Variants in HDGFL2 observed in about 807,000 individuals in gnomAD.
HDGFL2 encodes the protein HDGF like 2.
A neutral mutation model predicts 77.1 loss-of-function variants in HDGFL2; 36 were observed. The ratio of observed to expected loss-of-function variants is 0.47; its 90% CI spans 0.36 to 0.62. HDGFL2 has a LOEUF of 0.62. HDGFL2 is among the 20% of genes least tolerant of loss of function. The probability of loss-of-function intolerance (pLI) is 0.00; values close to 1 mark genes in which losing one functional copy is unlikely to be tolerated. For synonymous variants in HDGFL2, 463 were observed against 413.1 expected, an observed-to-expected ratio of 1.12 and a Z score of -1.46; for missense variants, 976 against 973.4, an observed-to-expected ratio of 1.00 and a Z score of -0.04.
intron 12 of HDGFL2, 54 bp from the exon 13 acceptor site, chr19:4,498,760 C>T: frequency 8.1e-7 from 1 of 1,241,604 alleles, no homozygotes; most frequent in Non-Finnish European, 1.2e-6. Context: ...GGCCCTGGGA[C>T]CCCTGGGGAT....
chr19:4,498,210 G>T, intron 11 of HDGFL2, 96 bp from the exon 12 acceptor site: 1 of 1,302,860 alleles, frequency 7.7e-7, no homozygotes, highest in Non-Finnish European at 1.1e-6. Flanking sequence ...GGGCCCCCAT[G>T]ACAAATCCTC....
In HDGFL2 at chr19:4,494,261, A is replaced by G; in HGVS notation, c.1010A>G (p.Glu337Gly). The G allele has an allele frequency of 1.4e-6, 2 of 1,458,872 alleles. No homozygotes were observed. Among genetic ancestry groups the G allele is most frequent in the African/African-American group, 1.5e-5 (1 of 67,860 alleles). 90.4% of individuals were successfully genotyped at this position (1,458,872 alleles called of 1,614,324 possible). Residue 337 changes from glutamate (E) to glycine (G), a missense_variant, in exon 9 of 16, where the codon GAG becomes GGG. Glu to Gly is a moderately conservative substitution (Grantham distance 98). Around this residue, in one of 5 missense-constraint regions of HDGFL2, gnomAD observed 567 missense variants for 534.7 expected, o/e 1.06. Transcript: ENST00000616600. Reference sequence around the variant, plus strand: ...GCCCGGCGGCGGCGAGAGCAGGAGGAGGAGCTGCGGCGCCTGCGGGAGCAG... The same window carrying G: ...GCCCGGCGGCGGCGAGAGCAGGAGGGGGAGCTGCGGCGCCTGCGGGAGCAG... ...LEARRRREQE[E>G]ELRRLREQEK...
At chr19:4,486,959 C>T (rs1231371097) in intron 3 of HDGFL2, among the ~76,000 whole-genome samples, 2 of 151,600 alleles carry the variant, frequency 1.3e-5, no homozygotes, top group Non-Finnish European at 2.9e-5. Flanking sequence ...GCTAAACACT[C>T]TCCTCTCTCT....
At chr19:4,472,461 G>A (rs765280651) in intron 1 of HDGFL2, 39 bp downstream of exon 1, 1 of 420,142 alleles carries the variant, frequency 2.4e-6, no homozygotes, top group South Asian at 3.7e-5. Context: ...GGGGGGGGGG[G>A]GGGGGGCAGC....
chr19:4,488,508 C>T (rs777741132), intron 3 of HDGFL2, among the ~76,000 whole-genome samples, 168 bp from the exon 4 acceptor site: 3 of 152,208 alleles, frequency 2.0e-5, no homozygotes, highest in African/African-American at 7.2e-5. Flanking sequence ...CTCCTGCCTT[C>T]GTTCTTCGGC....
intron 10 of HDGFL2, chr19:4,497,596 C>G (rs910952078): frequency 6.0e-6 from 2 of 335,558 alleles, no homozygotes; most frequent in Admixed American, 4.7e-5. Flanking sequence ...GCACATGGCA[C>G]CGAGCCTCAG....
intron 9 of HDGFL2, among the ~76,000 whole-genome samples, chr19:4,496,012 C>T (rs1282009628): frequency 6.6e-6 from 1 of 152,108 alleles, no homozygotes; most frequent in African/African-American, 2.4e-5. Flanking sequence ...ACAGAAAGGG[C>T]ACCGAACTCC....
At chr19:4,498,111 C>A in intron 11 of HDGFL2, 80 bp downstream of exon 11, 2 of 1,335,968 alleles carry the variant, frequency 1.5e-6, no homozygotes, top group Non-Finnish European at 2.1e-6. Context: ...CTGGCCTGTC[C>A]CGCCTGTCCC....
In HDGFL2 at chr19:4,499,508, G is replaced by T. The variant is rs750243070; in HGVS notation, c.1593G>T (p.Ala531=). The change falls in exon 14 of 16, where the codon GCG becomes GCT. Residue 531 remains alanine, a synonymous_variant. Coordinates refer to ENST00000616600, the MANE Select transcript of HDGFL2 (RefSeq NM_001001520.3). ...GTGGCCAGATTCGCCGTTACAAAGC[G>T]AACAAGGACGTAATGGAGAAGGCAG... ...ATLKKIRRYK[A]NKDVMEKAAE... 1.2e-6 allele frequency: 2 copies of T among 1,613,534 alleles called. No homozygotes were observed. Among genetic ancestry groups the T allele is most frequent in the South Asian group, 2.2e-5 (2 of 90,994 alleles).
chr19:4,475,634 AG>A (rs780927760), intron 3 of HDGFL2, 51 bp downstream of exon 3: 3 of 1,524,738 alleles, frequency 2.0e-6, no homozygotes, highest in Non-Finnish European at 2.6e-6. Flanking sequence ...TGATGCAAGA[AG>A]GGGCCTCCAG....
At chr19:4,489,316 C>T (rs746238828) in intron 4 of HDGFL2, among the ~76,000 whole-genome samples, 26 of 150,944 alleles carry the variant, frequency 1.7e-4, no homozygotes, top group Non-Finnish European at 3.1e-4. Context: ...TGCAGTGGCA[C>T]GATCTTGGCT....
chr19:4,485,774 C>CGGTA, intron 3 of HDGFL2, among the ~76,000 whole-genome samples: 1 of 141,850 alleles, frequency 7.0e-6, no homozygotes, highest in African/African-American at 2.7e-5. Context: ...TCGTGGGGTG[C>CGGTA]GGTAGCTCAC....
chr19:4,493,977 T>C lies in HDGFL2; in HGVS notation c.839-5T>C. The C allele has an allele frequency of 1.2e-6, 2 of 1,607,418 alleles. No individual in the cohort carries two copies. The highest frequency in any genetic ancestry group is 1.3e-5 in the African/African-American group (1 of 74,962). On this transcript the variant is annotated splice_region_variant and splice_polypyrimidine_tract_variant and intron_variant, in intron 7 of 15. Coordinates refer to ENST00000616600, the MANE Select transcript of HDGFL2 (RefSeq NM_001001520.3). ...GAAGGTCACCCCCTCCTCCTCTTCC[T>C]GTAGCGGAGAAGCCTCTCCCGAAGC... is the stretch of plus-strand genomic sequence containing the variant.
intron 3 of HDGFL2, among the ~76,000 whole-genome samples, chr19:4,476,613 G>A (rs1975080276): frequency 1.3e-5 from 2 of 151,088 alleles, no homozygotes; most frequent in South Asian, 2.1e-4. Context: ...AGATTTTAGA[G>A]GAGTGAAAAG....
Position 4,491,782 on chromosome 19 carries a change from A to G in HDGFL2, c.625A>G (p.Lys209Glu). The G allele has an allele frequency of 6.2e-7, 1 of 1,614,062 alleles. No homozygotes were observed. Among genetic ancestry groups the G allele is most frequent in the Non-Finnish European group, 8.5e-7 (1 of 1,180,024 alleles). The change falls in exon 6 of 16, where the codon AAA (lysine) becomes GAA (glutamate). Residue 209 changes from lysine (K) to glutamate (E), a missense_variant. Transcript: ENST00000616600. Reference protein sequence around the residue: ...TSDQDFTPEKKAAVRAPRRGP... With the variant: ...TSDQDFTPEKEAAVRAPRRGP... ...CCCCCAGGACTTCACACCTGAGAAGAAAGCAGCGGTCCGGGCGCCACGGAG... is the reference window on the plus strand; with the variant it reads ...CCCCCAGGACTTCACACCTGAGAAGGAAGCAGCGGTCCGGGCGCCACGGAG...
Position 4,490,004 on chromosome 19 carries a change from T to C in HDGFL2, c.489+1128T>C, listed in dbSNP as rs561355943. Among the ~76,000 whole-genome samples, 4 of 152,322 alleles carry C rather than the reference T, an allele frequency of 2.6e-5. No homozygotes were observed. In the East Asian group the frequency reaches 7.7e-4, roughly 29 times the overall value. The stretch of plus-strand genomic sequence containing the variant: ...CATAGAAATGGGGTCACACACTGCA[T>C]AGCCTTTGTGTCCGCCTTCCTTCAC... On this transcript the variant is annotated intron_variant, in intron 4 of 15. Coordinates refer to ENST00000616600, the MANE Select transcript of HDGFL2 (RefSeq NM_001001520.3).
chr19:4,488,696 C>T lies in HDGFL2; in HGVS notation c.309C>T (p.Ser103=), dbSNP rs746339440. 56 of 1,546,900 alleles carry T rather than the reference C, an allele frequency of 3.6e-5. No individual in the cohort carries two copies. Among genetic ancestry groups the T allele is most frequent in the Admixed American group, 3.5e-4 (18 of 51,160 alleles). The stretch of plus-strand genomic sequence containing the variant: ...CACAGCCAGTGAGCTCCTCCGACAG[C>T]GAGGCCCCCGAGGCCAACCCCGCCG... The part of the protein sequence containing the change: ...SAPPPVSSSD[S]EAPEANPADG... Residue 103 remains serine, a synonymous_variant, in exon 4 of 16, where the codon AGC becomes AGT. Coordinates refer to ENST00000616600, the MANE Select transcript of HDGFL2 (RefSeq NM_001001520.3).
In HDGFL2 at chr19:4,500,027, G is replaced by T. The variant is rs1461404052; in HGVS notation, c.1789+323G>T. On this transcript the variant is annotated intron_variant, in intron 14 of 15. Coordinates refer to ENST00000616600, the MANE Select transcript of HDGFL2 (RefSeq NM_001001520.3). ...GACGCCCAGAGAGGGGGGTGGCTCT[G>T]TGCAGCGGGGGCAAAGAGTGGGGGC... is the stretch of plus-strand genomic sequence containing the variant. Among the ~76,000 whole-genome samples the T allele has an allele frequency of 3.4e-5, 3 of 89,140 alleles. No homozygotes were observed. The East Asian group carries it at 9.6e-4, about 29-fold the overall frequency. The allele number at this position is 89,140 out of a possible 152,430, so 58.5% of individuals were successfully genotyped here.
Position 4,502,024 on chromosome 19 carries a change from A to G in HDGFL2, c.*14A>G, listed in dbSNP as rs937432717. Reference sequence around the variant, plus strand: ...GAGGAGAGCTGAGCCGCGGGCAGCCAGGCCCAGCCCCCGCCCGAGCTCAGG... The same window carrying G: ...GAGGAGAGCTGAGCCGCGGGCAGCCGGGCCCAGCCCCCGCCCGAGCTCAGG... On this transcript the variant is annotated 3_prime_UTR_variant, in exon 16 of 16. Transcript: ENST00000616600. The G allele has an allele frequency of 2.0e-6, 3 of 1,514,948 alleles. No homozygotes were observed. The highest frequency in any genetic ancestry group is 2.8e-5 in the African/African-American group (2 of 71,558). The allele number at this position is 1,514,948 out of a possible 1,614,324, so 93.8% of individuals were successfully genotyped here.
Sources: gnomAD v4.1 joint callset for allele counts (sites outside exome capture counted in the v4.1 genomes callset) on GRCh38, gnomAD v4.1.1 for gene constraint, gnomAD v4.1.1 regional missense constraint, MANE v1.5 for transcripts, NCBI Gene and HGNC (gene_info 2026-07-23, HGNC 2026-07-21) for gene names.